Variants in SLC6A2 observed in about 807,000 individuals in gnomAD.
SLC6A2 encodes the protein solute carrier family 6 member 2, also known as sodium-dependent noradrenaline transporter.
A neutral mutation model predicts 71.7 loss-of-function variants in SLC6A2; 26 were observed. The observed-to-expected ratio is 0.36, with a 90% CI of 0.27 to 0.50. SLC6A2 has a LOEUF of 0.50. SLC6A2 is among the 20% of genes least tolerant of loss of function. The pLI is 0.96. For missense variants in SLC6A2, 581 were observed against 803.9 expected (o/e 0.72, Z 3.35); for synonymous variants, 363 against 337.9 (o/e 1.07, Z -0.82).
intron 2 of SLC6A2, among the ~76,000 whole-genome samples, chr16:55,668,758 G>T (rs2142506560): frequency 6.6e-6 from 1 of 152,258 alleles, no homozygotes; most frequent in African/African-American, 2.4e-5. Context: ...TGGTGCCCAG[G>T]GACCCCATGA....
intron 3 of SLC6A2, among the ~76,000 whole-genome samples, chr16:55,670,033 C>A (rs916297731): frequency 6.6e-6 from 1 of 152,186 alleles, no homozygotes; most frequent in East Asian, 1.9e-4. Flanking sequence ...CCATGGCAGG[C>A]GTTAGAAGTT....
chr16:55,685,114 C>A lies in SLC6A2; in HGVS notation c.645-29C>A, dbSNP rs1417484295. Reference sequence around the variant, plus strand: ...TGTCGTCCTCCCTGACGACATTTACCCTGGTCCCCTCCCCTCTCCTCTGGG... The same window carrying A: ...TGTCGTCCTCCCTGACGACATTTACACTGGTCCCCTCCCCTCTCCTCTGGG... On this transcript the variant is annotated intron_variant, in intron 4 of 14. Transcript: ENST00000568943. The A allele has an allele frequency of 1.9e-6, 3 of 1,613,592 alleles. No individual in the cohort carries two copies. In the South Asian group the frequency reaches 3.3e-5, roughly 18 times the overall value.
chr16:55,660,229 C>T (rs1181156105), intron 2 of SLC6A2, among the ~76,000 whole-genome samples: 2 of 152,074 alleles, frequency 1.3e-5, no homozygotes, highest in Admixed American at 1.3e-4. Context: ...GGAGTGCAGG[C>T]TGGCTGCAGG....
chr16:55,678,649 A>C lies in SLC6A2; in HGVS notation c.644+6474A>C, dbSNP rs115197223. Among the ~76,000 whole-genome samples, 624 of 152,274 alleles carry C rather than the reference A, an allele frequency of 4.1e-3. 9 individuals carry two copies. Among genetic ancestry groups the C allele is most frequent in the African/African-American group, 0.014 (590 of 41,548 alleles). On this transcript the variant is annotated intron_variant, in intron 4 of 14. Coordinates refer to ENST00000568943, the MANE Select transcript of SLC6A2 (RefSeq NM_001172501.3). ...TGGTGAACATGTGCCTGGCAATAGA[A>C]AACTTCCACCCCATGCCGGTCCCTG...
intron 5 of SLC6A2, among the ~76,000 whole-genome samples, chr16:55,686,571 G>A (rs1255392675): frequency 1.3e-5 from 2 of 152,150 alleles, no homozygotes; most frequent in African/African-American, 4.8e-5. Flanking sequence ...GTCAATTTGG[G>A]AGAATCCTCA....
In SLC6A2 at chr16:55,676,699, G is replaced by A. The variant is rs118142117; in HGVS notation, c.644+4524G>A. On this transcript the variant is annotated intron_variant, in intron 4 of 14. Coordinates refer to ENST00000568943, the MANE Select transcript of SLC6A2 (RefSeq NM_001172501.3). ...ACATCACATTTACCCAGCTTGGATT[G>A]TATTCCAGCCATAGTTCAAAGCACC... Among the ~76,000 whole-genome samples the A allele has an allele frequency of 3.5e-4, 53 of 152,264 alleles. 1 individual carries two copies. In the East Asian group the frequency reaches 9.3e-3, roughly 27 times the overall value.
chr16:55,662,860 C>T (rs889060624), intron 2 of SLC6A2, among the ~76,000 whole-genome samples: 2 of 152,310 alleles, frequency 1.3e-5, no homozygotes, highest in Non-Finnish European at 2.9e-5. Context: ...ACAATCAACA[C>T]AGAAGACGTC....
chr16:55,694,443 G>A lies in SLC6A2; in HGVS notation c.1022+330G>A, dbSNP rs185045301. Among the ~76,000 whole-genome samples the A allele has an allele frequency of 1.3e-3, 198 of 152,298 alleles. 1 individual carries two copies. The highest frequency in any genetic ancestry group is 2.3e-3 in the South Asian group (11 of 4,816). On this transcript the variant is annotated intron_variant, in intron 7 of 14. Transcript: ENST00000568943. ...CCATCAGATGCCCAGGCAGGCAGGG[G>A]TGGAATATCGCAGCTGCTGAGGGCC...
chr16:55,689,543 T>C (rs1314487540), intron 5 of SLC6A2, among the ~76,000 whole-genome samples: 1 of 152,154 alleles, frequency 6.6e-6, no homozygotes, highest in Non-Finnish European at 1.5e-5. Flanking sequence ...TCTCACCTGA[T>C]TTGCTGGGCT....
At chr16:55,681,454 G>T (rs1391240992) in intron 4 of SLC6A2, among the ~76,000 whole-genome samples, 1 of 152,224 alleles carries the variant, frequency 6.6e-6, no homozygotes, top group Non-Finnish European at 1.5e-5. Flanking sequence ...GGATCTGGTG[G>T]TAAGGGCTAG....
At position 55,702,717 on chromosome 16, in the gene SLC6A2, G is replaced by A. The variant is rs115138076; in HGVS notation, c.*371G>A. Reference sequence around the variant, plus strand: ...AGTTCTTAGTCCACCAAATCAGAGAGAGGATGGGCTTTTGATCAGATACCC... The same window carrying A: ...AGTTCTTAGTCCACCAAATCAGAGAAAGGATGGGCTTTTGATCAGATACCC... On this transcript the variant is annotated 3_prime_UTR_variant, in exon 15 of 15. Transcript: ENST00000568943. 1,465 of 1,085,874 alleles carry A rather than the reference G, an allele frequency of 1.3e-3. 15 individuals carry two copies. The African/African-American group carries it at 0.02, about 15-fold the overall frequency. 67.3% of individuals were successfully genotyped at this position (1,085,874 alleles called of 1,614,324 possible).
intron 13 of SLC6A2, 21 bp downstream of exon 13, chr16:55,700,327 G>A: frequency 6.2e-7 from 1 of 1,606,496 alleles, no homozygotes. Context: ...GTCCTCCCCA[G>A]GGGAACAGGG....
At chr16:55,691,817 A>G (rs1211645381) in intron 5 of SLC6A2, 101 bp from the exon 6 acceptor site, 3 of 1,363,158 alleles carry the variant, frequency 2.2e-6, no homozygotes, top group Non-Finnish European at 3.1e-6. Flanking sequence ...AAGGTGGGAA[A>G]GAGCATGACT....
chr16:55,689,336 C>T (rs1266836140), intron 5 of SLC6A2, among the ~76,000 whole-genome samples: 6 of 152,226 alleles, frequency 3.9e-5, no homozygotes, highest in African/African-American at 1.4e-4. Context: ...CACATGGGCA[C>T]AGACAAAACA....
At chr16:55,699,411 C>A (rs1965900445) in intron 11 of SLC6A2, 143 bp from the exon 12 acceptor site, 2 of 712,592 alleles carry the variant, frequency 2.8e-6, no homozygotes, top group Non-Finnish European at 5.2e-6. Flanking sequence ...TACAAAGGGC[C>A]CATCCCCGAG....
chr16:55,688,789 A>G (rs1028870227), intron 5 of SLC6A2, among the ~76,000 whole-genome samples: 9 of 152,050 alleles, frequency 5.9e-5, no homozygotes, highest in African/African-American at 1.9e-4. Flanking sequence ...GGCTTGCACA[A>G]CTTCAGTGAC....
intron 2 of SLC6A2, among the ~76,000 whole-genome samples, chr16:55,666,312 C>G (rs192303): frequency 0.29 from 44,712 of 152,106 alleles, 6,771 homozygotes; most frequent in African/African-American, 0.32. Context: ...GGTTTGCAAC[C>G]AGCCTCGGTT....
rs965020861 is a variant in SLC6A2 at position 55,700,202 on chromosome 16, C to T, written c.1654C>T (p.Pro552Ser). 1 of 1,614,126 alleles carries T rather than the reference C, an allele frequency of 6.2e-7. No individual in the cohort carries two copies. Among genetic ancestry groups the T allele is most frequent in the Non-Finnish European group, 8.5e-7 (1 of 1,179,994 alleles). Residue 552 changes from proline to serine, a missense_variant, in exon 13 of 15, where the codon CCC becomes TCC. Pro to Ser is a moderately conservative substitution (Grantham distance 74, BLOSUM62 -1). Coordinates refer to ENST00000568943, the MANE Select transcript of SLC6A2 (RefSeq NM_001172501.3). ...PLTYDDYIFP[P>S]WANWVGWGIA... is the part of the protein sequence containing the mutation. ...CACCTACGACGACTACATCTTCCCG[C>T]CCTGGGCCAACTGGGTGGGGTGGGG...
chr16:55,669,701 A>G lies in SLC6A2; in HGVS notation c.406+5A>G. 2 of 1,614,138 alleles carry G rather than the reference A, an allele frequency of 1.2e-6. No homozygotes were observed. Among genetic ancestry groups the G allele is most frequent in the Non-Finnish European group, 1.7e-6 (2 of 1,180,016 alleles). On this transcript the variant is annotated splice_donor_5th_base_variant and intron_variant, in intron 3 of 14. Coordinates refer to ENST00000568943, the MANE Select transcript of SLC6A2 (RefSeq NM_001172501.3). ...AAATCTGCCCATTCTTCAAAGGTAA[A>G]GAAGGGGTGGGAGAAAGTCACGGTT...
Sources: gnomAD v4.1 joint callset for allele counts (sites outside exome capture counted in the v4.1 genomes callset) on GRCh38, gnomAD v4.1.1 for gene constraint, MANE v1.5 for transcripts, NCBI Gene and HGNC (gene_info 2026-07-23, HGNC 2026-07-21) for gene names.